The following MBTD1 variants were observed in gnomAD, a reference collection of about 807,000 sequenced individuals.
MBTD1 encodes MBT domain-containing protein 1.
A neutral mutation model predicts 87.8 loss-of-function variants in MBTD1; 24 were observed. The ratio of observed to expected loss-of-function variants is 0.27; its 90% CI spans 0.20 to 0.38. MBTD1 has a LOEUF of 0.38. MBTD1 is among the 10% of genes least tolerant of loss of function. The pLI, the probability that MBTD1 is intolerant of heterozygous loss-of-function variation, is 1.00. For missense variants in MBTD1, 436 were observed against 760.2 expected (o/e 0.57, Z 5.02); for synonymous variants, 237 against 248.6 (o/e 0.95, Z 0.44).
intron 2 of MBTD1, among the ~76,000 whole-genome samples, chr17:51,258,876 A>G (rs1438537892): frequency 2.0e-5 from 3 of 152,162 alleles, no homozygotes; most frequent in East Asian, 3.8e-4. Context: ...GCTAGCCCTC[A>G]CTATCTCTCA....
Position 51,193,023 on chromosome 17 carries a change from CAG to C in MBTD1, c.1456-9_1456-8del, listed in dbSNP as rs1378127589. On this transcript the variant is annotated splice_region_variant and splice_polypyrimidine_tract_variant and intron_variant, in intron 14 of 16. Transcript: ENST00000586178. ...ATCCGTGATTTGGAACATCCTGACACAGAGAAGAAAACATTAATATTGGTATG... is the reference window on the plus strand; with the variant it reads ...ATCCGTGATTTGGAACATCCTGACACAGAAGAAAACATTAATATTGGTATG... The C allele has an allele frequency of 6.3e-7, 1 of 1,589,312 alleles. No homozygotes were observed. The highest frequency in any genetic ancestry group is 1.1e-5 in the South Asian group (1 of 90,544).
At position 51,203,193 on chromosome 17, in the gene MBTD1, G is replaced by A. The variant is rs559120861; in HGVS notation, c.775C>T (p.Leu259=). The change falls in exon 9 of 17, where the codon CTA becomes TTA. Residue 259 remains leucine (L), a synonymous_variant. Coordinates refer to ENST00000586178, the MANE Select transcript of MBTD1 (RefSeq NM_017643.3). ...QHKYTNWKAF[L]VKRLTGAKTL... is the part of the protein sequence containing the mutation. ...TTGGCACCAGTAAGTCGTTTCACTAGAAAAGCTTTCCAGTTTGTATATTTA... is the reference window on the plus strand; with the variant it reads ...TTGGCACCAGTAAGTCGTTTCACTAAAAAAGCTTTCCAGTTTGTATATTTA... 1.9e-5 allele frequency: 30 copies of A among 1,575,494 alleles called. No individual in the cohort carries two copies. In the East Asian group the frequency reaches 6.5e-4, roughly 34 times the overall value.
At chr17:51,200,955 C>T (rs978776925) in intron 12 of MBTD1, among the ~76,000 whole-genome samples, 13 of 151,942 alleles carry the variant, frequency 8.6e-5, no homozygotes, top group African/African-American at 3.1e-4. Context: ...TGAGACCAGC[C>T]TGGGCAACCT....
intron 3 of MBTD1, among the ~76,000 whole-genome samples, chr17:51,221,788 G>A (rs1220801136): frequency 6.6e-6 from 1 of 152,234 alleles, no homozygotes; most frequent in Non-Finnish European, 1.5e-5. Flanking sequence ...ATGGAAGGAT[G>A]TGCGTAAGTT....
chr17:51,223,494 C>T (rs976233631), intron 3 of MBTD1, among the ~76,000 whole-genome samples: 5 of 151,900 alleles, frequency 3.3e-5, no homozygotes. Flanking sequence ...CGAGATCTTG[C>T]CGCTGCCATT....
At chr17:51,260,552 C>A (rs774496350), upstream of MBTD1, 1 of 1,593,508 alleles carries the variant, frequency 6.3e-7, no homozygotes, top group Non-Finnish European at 8.5e-7. Flanking sequence ...CGAGGTTCCA[C>A]GTGAGCGCCT....
intron 3 of MBTD1, among the ~76,000 whole-genome samples, chr17:51,223,761 G>A (rs1260537462): frequency 3.9e-5 from 6 of 152,216 alleles, no homozygotes; most frequent in East Asian, 1.9e-4. Context: ...GCTTGAACCC[G>A]GGAGGTGGAG....
At chr17:51,189,888 A>G (rs145358891) in intron 16 of MBTD1, among the ~76,000 whole-genome samples, 31 of 152,150 alleles carry the variant, frequency 2.0e-4, no homozygotes, top group Non-Finnish European at 1.2e-4. Flanking sequence ...AATGCTCCCT[A>G]AAGTTCTTTT....
chr17:51,253,390 GTAA>G (rs1442961460), intron 2 of MBTD1, among the ~76,000 whole-genome samples: 1 of 152,120 alleles, frequency 6.6e-6, no homozygotes, highest in East Asian at 1.9e-4. Context: ...GTTTGCTAAT[GTAA>G]TAATAATGAA....
At chr17:51,257,499 G>A (rs2055161036) in intron 2 of MBTD1, among the ~76,000 whole-genome samples, 1 of 152,098 alleles carries the variant, frequency 6.6e-6, no homozygotes, top group African/African-American at 2.4e-5. Flanking sequence ...AATTTAAAAT[G>A]TTGTTTTAAT....
At chr17:51,197,083 T>TGGAGG (rs2145140856) in intron 12 of MBTD1, among the ~76,000 whole-genome samples, 1 of 18,152 alleles carries the variant, frequency 5.5e-5, no homozygotes, top group Admixed American at 6.0e-4. Flanking sequence ...TATATATATA[T>TGGAGG]ATATATATAT....
At chr17:51,203,372 C>T in intron 8 of MBTD1, 144 bp from the exon 9 acceptor site, 1 of 543,552 alleles carries the variant, frequency 1.8e-6, no homozygotes, top group Non-Finnish European at 3.2e-6. Context: ...CAAGTATATG[C>T]CTTGCCAGCA....
Position 51,225,120 on chromosome 17 carries a change from G to C in MBTD1, c.42C>G (p.Ser14Arg), listed in dbSNP as rs1252777888. Residue 14 changes from serine (S) to arginine (R), a missense_variant, in exon 3 of 17, where the codon AGC becomes AGG. Ser to Arg is a moderately radical substitution (Grantham distance 110, BLOSUM62 -1). This residue lies in a region of MBTD1 where 38 missense variants were observed against 33.8 expected (regional missense o/e 1.12). Transcript: ENST00000586178. ...CCTCACTCTCTTCGGAGCTGGAGCTGCTGCTTGTGTCCTCACTGCAGCTAT... is the reference window on the plus strand; with the variant it reads ...CCTCACTCTCTTCGGAGCTGGAGCTCCTGCTTGTGTCCTCACTGCAGCTAT... ...GYDSCSEDTS[S>R]SSSSEESEEE... 1 of 1,551,310 alleles carries C rather than the reference G, an allele frequency of 6.4e-7. No homozygotes were observed. The highest frequency in any genetic ancestry group is 2.4e-5 in the East Asian group (1 of 40,904).
intron 2 of MBTD1, among the ~76,000 whole-genome samples, chr17:51,227,870 T>C (rs1440037025): frequency 6.6e-6 from 1 of 151,226 alleles, no homozygotes; most frequent in African/African-American, 2.4e-5. Flanking sequence ...GAGAATCGCT[T>C]GAACCCAGGA....
At chr17:51,210,188 G>T (rs963984466) in intron 6 of MBTD1, among the ~76,000 whole-genome samples, 3 of 151,702 alleles carry the variant, frequency 2.0e-5, no homozygotes, top group African/African-American at 7.3e-5. Flanking sequence ...TTTTAGTTTT[G>T]CCATGTTGGC....
intron 6 of MBTD1, among the ~76,000 whole-genome samples, chr17:51,210,273 G>A (rs140276928): frequency 1.1e-3 from 169 of 152,216 alleles, no homozygotes; most frequent in African/African-American, 3.8e-3. Flanking sequence ...TTACAGGCAT[G>A]AGCCACTGTG....
At chr17:51,192,354 C>T in intron 15 of MBTD1, 74 bp from the exon 16 acceptor site, 1 of 991,060 alleles carries the variant, frequency 1.0e-6, no homozygotes, top group East Asian at 2.6e-5. Context: ...CTAGATACAA[C>T]TTATATGAAC....
intron 2 of MBTD1, among the ~76,000 whole-genome samples, chr17:51,254,603 T>A (rs1479478952): frequency 6.6e-6 from 1 of 152,178 alleles, no homozygotes; most frequent in Non-Finnish European, 1.5e-5. Context: ...AAATACAAAT[T>A]TCTACCTCTT....
At chr17:51,248,017 G>C (rs1172957352) in intron 2 of MBTD1, among the ~76,000 whole-genome samples, 1 of 152,168 alleles carries the variant, frequency 6.6e-6, no homozygotes, top group African/African-American at 2.4e-5. Flanking sequence ...ACAGAGGTGT[G>C]CAAAATAGTT....
Sources: gnomAD v4.1 joint callset for allele counts (sites outside exome capture counted in the v4.1 genomes callset) on GRCh38, gnomAD v4.1.1 for gene constraint, gnomAD v4.1.1 regional missense constraint, MANE v1.5 for transcripts, NCBI Gene and HGNC (gene_info 2026-07-23, HGNC 2026-07-21) for gene names.